The following PHF14 variants were observed in gnomAD, a reference collection of about 807,000 sequenced individuals.
PHF14 encodes PHD finger protein 14.
PHF14 carries 55 observed loss-of-function variants against 117.9 expected under a neutral mutation model. That is an observed-to-expected ratio of 0.47 (90% confidence interval 0.38 to 0.58). The LOEUF is 0.58. Among genes scored for constraint, PHF14 ranks in the 20% least tolerant of loss-of-function variants. The pLI, the probability that PHF14 is intolerant of heterozygous loss-of-function variation, is 0.00. For synonymous variants in PHF14, 409 were observed against 368.6 expected (o/e 1.11, Z -1.26); for missense variants, 978 against 1,122.2 (o/e 0.87, Z 1.84).
intron 14 of PHF14, among the ~76,000 whole-genome samples, chr7:11,059,806 A>G (rs1006349444): frequency 1.3e-5 from 2 of 152,170 alleles, no homozygotes; most frequent in African/African-American, 2.4e-5. Flanking sequence ...AATATACATT[A>G]TGCAAATTAG....
intron 4 of PHF14, among the ~76,000 whole-genome samples, chr7:10,992,204 C>A (rs1782484866): frequency 1.3e-5 from 2 of 151,242 alleles, no homozygotes; most frequent in Admixed American, 6.6e-5. Context: ...CAGGTGCCTG[C>A]CACCATGCCT....
intron 17 of PHF14, among the ~76,000 whole-genome samples, chr7:11,145,387 C>T (rs1243049727): frequency 6.6e-6 from 1 of 152,026 alleles, no homozygotes; most frequent in Non-Finnish European, 1.5e-5. Context: ...ATCTGAAAAA[C>T]TCACATTTTT....
chr7:11,035,982 C>T (rs1784313890), intron 8 of PHF14, among the ~76,000 whole-genome samples, 196 bp downstream of exon 8: 1 of 152,100 alleles, frequency 6.6e-6, no homozygotes, highest in Admixed American at 6.6e-5. Flanking sequence ...TCAAACAGAG[C>T]AGTCCTTTAT....
intron 12 of PHF14, 48 bp from the exon 13 acceptor site, chr7:11,042,635 A>G: frequency 7.5e-7 from 1 of 1,338,338 alleles, no homozygotes; most frequent in African/African-American, 1.5e-5. Context: ...AAACTGTTTC[A>G]CTATGATAAT....
At chr7:11,126,272 C>T (rs565578596) in intron 17 of PHF14, among the ~76,000 whole-genome samples, 10 of 152,138 alleles carry the variant, frequency 6.6e-5, no homozygotes, top group African/African-American at 2.4e-4. Flanking sequence ...TAAAATTTAT[C>T]CTAGTATCCA....
At chr7:11,096,055 A>G (rs1016035666) in intron 16 of PHF14, among the ~76,000 whole-genome samples, 1 of 152,132 alleles carries the variant, frequency 6.6e-6, no homozygotes, top group African/African-American at 2.4e-5. Context: ...TCAGAATGCT[A>G]ACTTTTAAAG....
intron 2 of PHF14, among the ~76,000 whole-genome samples, chr7:10,979,475 A>G (rs1781981208): frequency 6.6e-6 from 1 of 151,078 alleles, no homozygotes; most frequent in African/African-American, 2.4e-5. Context: ...AGAAAGGTTT[A>G]TTGTAGACTT....
intron 16 of PHF14, among the ~76,000 whole-genome samples, chr7:11,086,852 A>G (rs1786427425): frequency 1.3e-5 from 2 of 152,090 alleles, no homozygotes; most frequent in Admixed American, 1.3e-4. Context: ...TGTGTATGAT[A>G]CCTATTAAAT....
chr7:11,159,809 AAG>A (rs1003959837), intron 17 of PHF14, among the ~76,000 whole-genome samples: 13 of 152,212 alleles, frequency 8.5e-5, no homozygotes, highest in South Asian at 4.1e-4. Context: ...AATTTATAGA[AAG>A]AAAAAATTCT....
intron 4 of PHF14, among the ~76,000 whole-genome samples, chr7:10,999,018 T>C (rs1236957315): frequency 1.3e-5 from 2 of 152,310 alleles, no homozygotes; most frequent in African/African-American, 4.8e-5. Flanking sequence ...CAAGCTTCTT[T>C]TGCAAAGTTC....
chr7:11,093,857 G>T lies in PHF14; in HGVS notation c.2655-17493G>T, dbSNP rs944117342. ...AGTTTCCTTCTGACTCTCAGGGGTAGGAGACCTTTAAAAGTACAAGGGTAG... is the reference window on the plus strand; with the variant it reads ...AGTTTCCTTCTGACTCTCAGGGGTATGAGACCTTTAAAAGTACAAGGGTAG... On this transcript the variant is annotated intron_variant, in intron 16 of 17. Coordinates refer to ENST00000634607, the MANE Select transcript of PHF14 (RefSeq NM_001007157.2). 6.6e-5 allele frequency among the ~76,000 whole-genome samples: 10 copies of T among 152,238 alleles called. No homozygotes were observed. In the East Asian group the frequency reaches 1.7e-3, roughly 26 times the overall value.
intron 17 of PHF14, among the ~76,000 whole-genome samples, chr7:11,138,433 A>G (rs543817054): frequency 6.6e-6 from 1 of 152,306 alleles, no homozygotes; most frequent in Non-Finnish European, 1.5e-5. Context: ...TACCCACTTT[A>G]TCCCTTATTA....
intron 7 of PHF14, among the ~76,000 whole-genome samples, chr7:11,034,041 C>G (rs909163561): frequency 1.3e-5 from 2 of 152,032 alleles, no homozygotes; most frequent in Non-Finnish European, 2.9e-5. Flanking sequence ...GATTTGTATC[C>G]GGGTTTTTAT....
intron 17 of PHF14, among the ~76,000 whole-genome samples, chr7:11,136,589 T>C (rs546052731): frequency 2.2e-4 from 33 of 152,326 alleles, no homozygotes; most frequent in African/African-American, 7.9e-4. Context: ...GCATGTCTTT[T>C]GCCATGTTCT....
intron 7 of PHF14, 98 bp from the exon 8 acceptor site, chr7:11,035,542 A>C (rs1784295433): frequency 1.5e-6 from 1 of 658,194 alleles, no homozygotes; most frequent in African/African-American, 1.8e-5. Flanking sequence ...TAGCACTAGT[A>C]GATTCTTTGA....
chr7:11,081,783 G>A (rs1786114069), intron 16 of PHF14, among the ~76,000 whole-genome samples: 1 of 151,746 alleles, frequency 6.6e-6, no homozygotes, highest in Admixed American at 6.6e-5. Flanking sequence ...TTGAGCCCCG[G>A]AGGCAGAGGT....
At chr7:11,015,395 T>C (rs189338915) in intron 5 of PHF14, among the ~76,000 whole-genome samples, 2 of 152,148 alleles carry the variant, frequency 1.3e-5, no homozygotes, top group African/African-American at 4.8e-5. Flanking sequence ...TTCCTTATTG[T>C]CTATCCAAAA....
chr7:11,066,761 TA>T (rs1347366597), intron 16 of PHF14, among the ~76,000 whole-genome samples: 1 of 152,254 alleles, frequency 6.6e-6, no homozygotes, highest in Admixed American at 6.5e-5. Flanking sequence ...GACTTTCTAT[TA>T]TATTCCATTG....
In PHF14 at chr7:10,990,667, G is replaced by A. The variant is rs756153756; in HGVS notation, c.901-36G>A. The A allele has an allele frequency of 1.2e-5, 16 of 1,281,284 alleles. 1 individual carries two copies. In the South Asian group the frequency reaches 2.3e-4, roughly 19 times the overall value. 79.4% of individuals were successfully genotyped at this position (1,281,284 alleles called of 1,614,324 possible). On this transcript the variant is annotated intron_variant, in intron 3 of 17. Coordinates refer to ENST00000634607, the MANE Select transcript of PHF14 (RefSeq NM_001007157.2). ...ATTAAGTTTTTTTTTTACTTTAAAT[G>A]TGATTTTCTGATATATGTTAATATT...
Sources: allele counts gnomAD v4.1 joint callset (sites outside exome capture counted in the v4.1 genomes callset), GRCh38; gene constraint gnomAD v4.1.1; transcripts MANE v1.5; gene names NCBI Gene and HGNC (gene_info 2026-07-23, HGNC 2026-07-21).